Variants in TRIM3 observed in about 807,000 individuals in gnomAD.
TRIM3 encodes tripartite motif-containing protein 3.
In TRIM3, 13 loss-of-function variants were observed where a neutral mutation model predicts 66.6. The ratio of observed to expected loss-of-function variants is 0.20; its 90% CI spans 0.13 to 0.31. The LOEUF is 0.31. Among genes scored for constraint, TRIM3 ranks in the 10% least tolerant of loss-of-function variants. The probability of loss-of-function intolerance (pLI) is 1.00; values close to 1 mark genes in which losing one functional copy is unlikely to be tolerated. For synonymous variants in TRIM3, 406 were observed against 411.7 expected (o/e 0.99, Z 0.17); for missense variants, 711 against 1,020.4 (o/e 0.70, Z 4.13).
In TRIM3 at chr11:6,457,555, C is replaced by T. The variant is rs1052684772; in HGVS notation, c.516-79G>A. 1.3e-5 allele frequency: 21 copies of T among 1,566,828 alleles called. No individual in the cohort carries two copies. Among genetic ancestry groups the T allele is most frequent in the Middle Eastern group, 2.3e-4 (1 of 4,304 alleles). ...TCCCTTCTCCCTGGGGAACCTACTG[C>T]TGCCCTCATGGAGATCTCCTTCCTG... On this transcript the variant is annotated intron_variant, in intron 4 of 11. Coordinates refer to ENST00000345851, the MANE Select transcript of TRIM3 (RefSeq NM_033278.4). The surrounding 1 kb of genome is among the most constrained non-coding windows in gnomAD (Gnocchi z 4.5).
intron 7 of TRIM3, among the ~76,000 whole-genome samples, chr11:6,455,650 C>G (rs1849928796): frequency 6.6e-6 from 1 of 152,130 alleles, no homozygotes; most frequent in African/African-American, 2.4e-5. Flanking sequence ...ACTGCAGAGA[C>G]TCCAGACAGA....
At position 6,458,128 on chromosome 11, in the gene TRIM3, C is replaced by T. The variant is rs1243038921; in HGVS notation, c.300G>A (p.Glu100=). 3 of 1,613,882 alleles carry T rather than the reference C, an allele frequency of 1.9e-6. No individual in the cohort carries two copies. The highest frequency in any genetic ancestry group is 3.3e-5 in the Admixed American group (2 of 60,028). Residue 100 remains glutamate (E), a synonymous_variant, in exon 3 of 12, where the codon GAG becomes GAA. Coordinates refer to ENST00000345851, the MANE Select transcript of TRIM3 (RefSeq NM_033278.4). This position sits in a 1 kb window ranked among gnomAD's most constrained non-coding sequence, Gnocchi z 6.2. ...CCACTACACTGAGGGGGTGGGGGTC[C>T]TCCGGGTCGTGGGCCCCATCAGGTG... ...QQAPDGAHDP[E]DPHPLSVVAG...
chr11:6,455,955 G>T, intron 7 of TRIM3, 117 bp downstream of exon 7: 1 of 638,726 alleles, frequency 1.6e-6, no homozygotes, highest in African/African-American at 3.1e-5. Flanking sequence ...CTTAAGGAAC[G>T]GTACTATCTG....
chr11:6,452,452 T>C (rs1298938243), intron 7 of TRIM3: 4 of 152,244 alleles, frequency 2.6e-5, no homozygotes, highest in Admixed American at 2.0e-4. Flanking sequence ...AGAACTCAAG[T>C]TCTGGGCATT....
chr11:6,456,305 A>C lies in TRIM3; in HGVS notation c.1421T>G (p.Phe474Cys), dbSNP rs1849966605. 6.4e-7 allele frequency: 1 copy of C among 1,554,194 alleles called. No individual in the cohort carries two copies. Among genetic ancestry groups the C allele is most frequent in the Non-Finnish European group, 8.7e-7 (1 of 1,146,508 alleles). ...CCCTCGGCTGTCTGTACCAACACGG[A>C]AGACGAGCTCATCCTCAATTGGGTT... is the stretch of plus-strand genomic sequence containing the variant. Reference protein sequence around the residue: ...KDNPIEDELVFRVGSRGREKG... With the variant: ...KDNPIEDELVCRVGSRGREKG... Residue 474 changes from phenylalanine (F) to cysteine (C), a missense_variant, in exon 6 of 12, where the codon TTC becomes TGC. Around this residue, in one of 3 missense-constraint regions of TRIM3, gnomAD observed 399 missense variants for 458.1 expected, o/e 0.87. Coordinates refer to ENST00000345851, the MANE Select transcript of TRIM3 (RefSeq NM_033278.4). The surrounding 1 kb of genome is among the most constrained non-coding windows in gnomAD (Gnocchi z 6.4).
In TRIM3 at chr11:6,473,882, G is replaced by C. The variant is rs1349780500; in HGVS notation, c.-129C>G. 1.3e-5 allele frequency: 2 copies of C among 152,042 alleles called. No homozygotes were observed. Among genetic ancestry groups the C allele is most frequent in the Non-Finnish European group, 1.5e-5 (1 of 67,988 alleles). 9.4% of individuals were successfully genotyped at this position (152,042 alleles called of 1,614,324 possible). ...TACTGCTGCCAGCGCCCGTCCGCCC[G>C]GCCCTGCCCGCGCCTCCGCCTGTCC... On this transcript the variant is annotated 5_prime_UTR_variant, in exon 1 of 12. Transcript: ENST00000345851.
chr11:6,464,664 C>T (rs1013071923), intron 2 of TRIM3, among the ~76,000 whole-genome samples: 12 of 152,072 alleles, frequency 7.9e-5, no homozygotes, highest in African/African-American at 2.7e-4. Context: ...ATCACATGTT[C>T]CCCATAAATA....
At chr11:6,470,669 G>A (rs74053399) in intron 1 of TRIM3, among the ~76,000 whole-genome samples, 1 of 152,350 alleles carries the variant, frequency 6.6e-6, no homozygotes, top group African/African-American at 2.4e-5. Flanking sequence ...AAGCCTAAGA[G>A]AGAGGTCTGG....
upstream of TRIM3, chr11:6,474,158 GAT>G (rs1850839400): frequency 2.0e-5 from 3 of 151,862 alleles, no homozygotes; most frequent in South Asian, 6.2e-4. Flanking sequence ...CGGCGAGCCG[GAT>G]CCCGGATCTC....
intron 2 of TRIM3, among the ~76,000 whole-genome samples, chr11:6,464,986 C>CAAAAAAAAA (rs544959608): frequency 1.3e-4 from 7 of 54,178 alleles, no homozygotes; most frequent in Admixed American, 2.6e-4. Flanking sequence ...GACTCCATCT[C>CAAAAAAAAA]AAAAAAAAAA....
Position 6,457,203 on chromosome 11 carries a change from G to T in TRIM3, c.696+93C>A. The T allele has an allele frequency of 6.5e-7, 1 of 1,544,904 alleles. No homozygotes were observed. The highest frequency in any genetic ancestry group is 1.3e-5 in the African/African-American group (1 of 74,122). ...CAGGAGGCAGAATATCTAGGCTGGG[G>T]AATGGGGAGCTGGTGTGGAAGACAG... On this transcript the variant is annotated intron_variant, in intron 5 of 11. Transcript: ENST00000345851. This position sits in a 1 kb window ranked among gnomAD's most constrained non-coding sequence, Gnocchi z 4.5.
At position 6,456,545 on chromosome 11, in the gene TRIM3, G is replaced by A. The variant is rs373524727; in HGVS notation, c.1181C>T (p.Thr394Met). ...CACCGAGAGGAGCAGCTCGCCTTCCGTGCGCGCTGTGTACACTAGCTCATA... is the reference window on the plus strand; with the variant it reads ...CACCGAGAGGAGCAGCTCGCCTTCCATGCGCGCTGTGTACACTAGCTCATA... ...GTYELVYTAR[T>M]EGELLLSVLL... Residue 394 changes from threonine to methionine, a missense_variant, in exon 6 of 12, where the codon ACG (threonine) becomes ATG (methionine). Transcript: ENST00000345851. The surrounding 1 kb of genome is among the most constrained non-coding windows in gnomAD (Gnocchi z 6.4). The A allele has an allele frequency of 6.2e-5, 99 of 1,604,878 alleles. No individual in the cohort carries two copies. The highest frequency in any genetic ancestry group is 7.8e-5 in the Non-Finnish European group (91 of 1,173,842).
chr11:6,452,910 G>C (rs1849792685), intron 7 of TRIM3: 1 of 152,116 alleles, frequency 6.6e-6, no homozygotes, highest in Non-Finnish European at 1.5e-5. Flanking sequence ...AGAATTTCCA[G>C]GTCACTTTTT....
chr11:6,456,510 C>T lies in TRIM3; in HGVS notation c.1216G>A (p.Gly406Arg), dbSNP rs1379225898. Residue 406 changes from glycine (G) to arginine (R), a missense_variant, in exon 6 of 12, where the codon GGA (glycine) becomes AGA (arginine). Physicochemically the swap from Gly to Arg is moderately radical, Grantham distance 125. Coordinates refer to ENST00000345851, the MANE Select transcript of TRIM3 (RefSeq NM_033278.4). This position sits in a 1 kb window ranked among gnomAD's most constrained non-coding sequence, Gnocchi z 6.4. ...GELLLSVLLY[G>R]QPVRGSPFRV... ...AAGGGGCTGCCGCGCACTGGCTGTC[C>T]GTAGAGCAGCACCGAGAGGAGCAGC... 1 of 1,582,412 alleles carries T rather than the reference C, an allele frequency of 6.3e-7. No individual in the cohort carries two copies. The highest frequency in any genetic ancestry group is 8.6e-7 in the Non-Finnish European group (1 of 1,158,592).
At chr11:6,451,468 G>A in intron 7 of TRIM3, 30 bp from the exon 8 acceptor site, 1 of 1,611,056 alleles carries the variant, frequency 6.2e-7, no homozygotes, top group South Asian at 1.1e-5. Context: ...GGAGGGAGCA[G>A]GTAGGAGGGG....
intron 2 of TRIM3, among the ~76,000 whole-genome samples, chr11:6,459,542 G>A (rs1261707115): frequency 2.6e-5 from 4 of 152,200 alleles, no homozygotes; most frequent in African/African-American, 9.7e-5. Context: ...AGGGCAAGTG[G>A]CCCAAGGTAA....
intron 2 of TRIM3, among the ~76,000 whole-genome samples, chr11:6,461,218 TTG>T (rs1350885159): frequency 1.3e-5 from 2 of 152,142 alleles, no homozygotes; most frequent in East Asian, 1.9e-4. Flanking sequence ...ACTTATTTAA[TTG>T]TGACTTACTT....
chr11:6,450,877 G>C lies in TRIM3; in HGVS notation c.1870+15C>G, dbSNP rs1849690848. ...CAGGGGTATCAGCATAGATCTTGGA[G>C]CTGTCCCCCTATACCTGCAAAGTGG... is the stretch of plus-strand genomic sequence containing the variant. On this transcript the variant is annotated intron_variant, in intron 9 of 11. Transcript: ENST00000345851. The surrounding 1 kb of genome is among the most constrained non-coding windows in gnomAD (Gnocchi z 4.8). The C allele has an allele frequency of 1.2e-6, 2 of 1,613,998 alleles. No homozygotes were observed. The highest frequency in any genetic ancestry group is 4.5e-5 in the East Asian group (2 of 44,882).
At chr11:6,468,475 C>G (rs376417069) in intron 1 of TRIM3, among the ~76,000 whole-genome samples, 1 of 152,226 alleles carries the variant, frequency 6.6e-6, no homozygotes, top group South Asian at 2.1e-4. Flanking sequence ...AAGAAAAGGG[C>G]CTGGCACAAG....
Sources: allele counts gnomAD v4.1 joint callset (sites outside exome capture counted in the v4.1 genomes callset), GRCh38; gene constraint gnomAD v4.1.1; regional missense constraint gnomAD v4.1.1; non-coding constraint Gnocchi (gnomAD v3.1); transcripts MANE v1.5; gene names NCBI Gene and HGNC (gene_info 2026-07-23, HGNC 2026-07-21).